The following TAFA2 variants were observed in gnomAD, a reference collection of about 807,000 sequenced individuals.
TAFA2 encodes the protein chemokine-like protein TAFA-2.
In TAFA2, 7 loss-of-function variants were observed where a neutral mutation model predicts 18.8. The observed-to-expected ratio is 0.37, with a 90% CI of 0.21 to 0.70. TAFA2 has a LOEUF of 0.70. Among genes scored for constraint, TAFA2 ranks in the 30% least tolerant of loss-of-function variants. The pLI is 0.53. For missense variants in TAFA2, 122 were observed against 158.1 expected (o/e 0.77, Z 1.23); for synonymous variants, 60 against 54.2 (o/e 1.11, Z -0.47).
rs373046413 is a variant in TAFA2, at chr12:62,038,329, A to G, written c.-2+152930T>C. Among the ~76,000 whole-genome samples the G allele has an allele frequency of 3.9e-5, 6 of 152,362 alleles. No individual in the cohort carries two copies. The South Asian group carries it at 6.2e-4, about 16-fold the overall frequency. ...TTCACTATATGTATATTAAAATACC[A>G]TGTAAACCTTAAATACACTATCTTC... On this transcript the variant is annotated intron_variant, in intron 1 of 4. Coordinates refer to ENST00000416284, the MANE Select transcript of TAFA2 (RefSeq NM_178539.5).
At chr12:61,906,409 C>T (rs1362506152) in intron 1 of TAFA2, among the ~76,000 whole-genome samples, 1 of 152,144 alleles carries the variant, frequency 6.6e-6, no homozygotes, top group African/African-American at 2.4e-5. Context: ...TTGCCTGCTG[C>T]CATGTAAGAC....
At chr12:61,821,121 A>C (rs1168883015) in intron 2 of TAFA2, among the ~76,000 whole-genome samples, 1 of 108,602 alleles carries the variant, frequency 9.2e-6, no homozygotes, top group Non-Finnish European at 1.9e-5. Context: ...ACTTCATTTG[A>C]TAGGGGTACA....
At chr12:61,722,032 A>T (rs1006357667) in intron 4 of TAFA2, among the ~76,000 whole-genome samples, 2 of 152,222 alleles carry the variant, frequency 1.3e-5, no homozygotes, top group African/African-American at 4.8e-5. Flanking sequence ...TTTGAATTTC[A>T]AATATTTGAA....
At chr12:62,129,730 G>A (rs1870606755) in intron 1 of TAFA2, among the ~76,000 whole-genome samples, 1 of 151,968 alleles carries the variant, frequency 6.6e-6, no homozygotes, top group South Asian at 2.1e-4. Flanking sequence ...GTGCACAGTA[G>A]GATGCTTAGC....
At chr12:61,924,654 A>G (rs1269828005) in intron 1 of TAFA2, among the ~76,000 whole-genome samples, 1 of 152,202 alleles carries the variant, frequency 6.6e-6, no homozygotes, top group Non-Finnish European at 1.5e-5. Context: ...TGTAAAGACC[A>G]TCGACACTAT....
intron 1 of TAFA2, among the ~76,000 whole-genome samples, chr12:62,147,828 T>G (rs1319560436): frequency 6.6e-6 from 1 of 150,636 alleles, no homozygotes; most frequent in Admixed American, 6.6e-5. Context: ...GACAAGGGAC[T>G]AATATCCAGA....
At chr12:61,799,365 T>C (rs1042316898) in intron 2 of TAFA2, among the ~76,000 whole-genome samples, 1 of 152,180 alleles carries the variant, frequency 6.6e-6, no homozygotes, top group Admixed American at 6.5e-5. Flanking sequence ...GATCCTATCT[T>C]GAGATCATGT....
chr12:61,755,381 C>A (rs1232185340), intron 2 of TAFA2, among the ~76,000 whole-genome samples: 2 of 152,038 alleles, frequency 1.3e-5, no homozygotes, highest in African/African-American at 4.8e-5. Flanking sequence ...AAACCTCTGG[C>A]CTAGGTACCC....
intron 4 of TAFA2, among the ~76,000 whole-genome samples, chr12:61,735,221 C>T (rs956529400): frequency 6.6e-6 from 1 of 151,902 alleles, no homozygotes; most frequent in East Asian, 1.9e-4. Flanking sequence ...GCTGCAAATT[C>T]TTTGGTATTG....
chr12:61,775,948 G>A (rs1870242807), intron 2 of TAFA2: 2 of 227,186 alleles, frequency 8.8e-6, no homozygotes, highest in Non-Finnish European at 1.8e-5. Context: ...GGAAAGAGGA[G>A]AGACACCTGA....
intron 1 of TAFA2, chr12:62,255,097 A>G (rs1378571675): frequency 6.6e-6 from 1 of 152,248 alleles, no homozygotes; most frequent in African/African-American, 2.4e-5. Context: ...AAAACGGATC[A>G]AGTATATAAC....
chr12:62,040,845 G>C (rs896475945), intron 1 of TAFA2, among the ~76,000 whole-genome samples: 1 of 152,112 alleles, frequency 6.6e-6, no homozygotes, highest in Non-Finnish European at 1.5e-5. Context: ...AATATAAAGA[G>C]AGACATGTAA....
chr12:62,050,397 C>T (rs1426634913), intron 1 of TAFA2, among the ~76,000 whole-genome samples: 3 of 151,876 alleles, frequency 2.0e-5, no homozygotes, highest in Non-Finnish European at 2.9e-5. Context: ...GGTGAAACCC[C>T]GTCTCTACTA....
intron 1 of TAFA2, among the ~76,000 whole-genome samples, chr12:62,187,181 T>C (rs2062591775): frequency 1.3e-5 from 2 of 152,164 alleles, no homozygotes; most frequent in Admixed American, 6.5e-5. Context: ...CCAGTTGTAG[T>C]GTCAATAAAA....
At chr12:61,943,249 A>C (rs1349529886) in intron 1 of TAFA2, among the ~76,000 whole-genome samples, 2 of 142,418 alleles carry the variant, frequency 1.4e-5, no homozygotes, top group East Asian at 4.2e-4. Context: ...AGACAAGCAA[A>C]TGCTGAGAGA....
intron 1 of TAFA2, among the ~76,000 whole-genome samples, chr12:62,223,651 T>C (rs1224102512): frequency 6.6e-6 from 1 of 152,110 alleles, no homozygotes; most frequent in Non-Finnish European, 1.5e-5. Flanking sequence ...GACCTAAATG[T>C]AAGAGCTAAA....
chr12:61,740,363 T>C (rs1211443203), intron 4 of TAFA2, among the ~76,000 whole-genome samples: 1 of 151,778 alleles, frequency 6.6e-6, no homozygotes, highest in Admixed American at 6.6e-5. Flanking sequence ...GGGAGAGCAT[T>C]AGGAGAAATA....
intron 2 of TAFA2, among the ~76,000 whole-genome samples, chr12:61,757,741 T>C (rs969216985): frequency 1.3e-5 from 2 of 151,994 alleles, no homozygotes; most frequent in South Asian, 2.1e-4. Context: ...AATGAAGAAA[T>C]AGAAGACAAA....
chr12:61,991,513 T>C (rs1456407836), intron 1 of TAFA2, among the ~76,000 whole-genome samples: 1 of 152,232 alleles, frequency 6.6e-6, no homozygotes, highest in African/African-American at 2.4e-5. Flanking sequence ...TAAATCGCTA[T>C]ATTTTCATAC....
Sources: gnomAD v4.1 joint callset for allele counts (sites outside exome capture counted in the v4.1 genomes callset) on GRCh38, gnomAD v4.1.1 for gene constraint, MANE v1.5 for transcripts, NCBI Gene and HGNC (gene_info 2026-07-23, HGNC 2026-07-21) for gene names.